Variants in CCDC171 observed in about 807,000 individuals in gnomAD.
The protein encoded by CCDC171 is coiled-coil domain-containing protein 171.
Under a neutral mutation model 168.2 loss-of-function variants are expected in CCDC171, and 177 were observed. The observed-to-expected ratio is 1.05, with a 90% confidence interval of 0.93 to 1.19. The LOEUF (loss-of-function observed/expected upper bound fraction) is 1.19. Among genes scored for constraint, CCDC171 ranks in the 50% most tolerant of loss-of-function variants. The pLI, the probability that CCDC171 is intolerant of heterozygous loss-of-function variation, is 0.00. For missense variants in CCDC171, 1,991 were observed against 1,539.0 expected, an observed-to-expected ratio of 1.29 and a Z score of -4.91; for synonymous variants, 687 against 540.8, an observed-to-expected ratio of 1.27 and a Z score of -3.75.
intron 6 of CCDC171, among the ~76,000 whole-genome samples, chr9:15,617,668 G>A (rs760147646): frequency 3.9e-5 from 6 of 152,118 alleles, no homozygotes; most frequent in South Asian, 2.1e-4. Context: ...GAGCCACCAC[G>A]CCCGGCCTGT....
At chr9:15,797,517 A>C (rs2058618516) in intron 21 of CCDC171, among the ~76,000 whole-genome samples, 1 of 152,178 alleles carries the variant, frequency 6.6e-6, no homozygotes, top group Non-Finnish European at 1.5e-5. Flanking sequence ...TGTTTGGCCA[A>C]CATTTAATAT....
At chr9:15,553,828 A>G (rs1302346123) in intron 1 of CCDC171, among the ~76,000 whole-genome samples, 2 of 151,206 alleles carry the variant, frequency 1.3e-5, no homozygotes, top group South Asian at 2.1e-4. Flanking sequence ...AATGGAGCCG[A>G]CTTTTTGAAT....
chr9:15,949,353 G>T (rs1367131289), intron 25 of CCDC171, among the ~76,000 whole-genome samples: 1 of 152,152 alleles, frequency 6.6e-6, no homozygotes, highest in East Asian at 1.9e-4. Flanking sequence ...TTCCAATTCT[G>T]TGAAGAAAGT....
chr9:15,630,724 T>A (rs559512124), intron 7 of CCDC171, among the ~76,000 whole-genome samples: 9 of 152,134 alleles, frequency 5.9e-5, no homozygotes, highest in South Asian at 2.1e-4. Flanking sequence ...AGAATATACA[T>A]TTTTTTCAGC....
chr9:16,015,514 C>T (rs1832988659), intron 3 of CCDC171, among the ~76,000 whole-genome samples: 1 of 152,170 alleles, frequency 6.6e-6, no homozygotes, highest in Non-Finnish European at 1.5e-5. Context: ...GTGGTCTCCT[C>T]TGTATTTTCT....
intron 21 of CCDC171, among the ~76,000 whole-genome samples, chr9:15,808,069 G>A (rs1038489846): frequency 6.6e-6 from 1 of 152,040 alleles, no homozygotes; most frequent in African/African-American, 2.4e-5. Flanking sequence ...ATGTCCAGAA[G>A]TGAAAGTATC....
At chr9:15,593,923 A>G in intron 5 of CCDC171, 118 bp from the exon 6 acceptor site, 1 of 645,654 alleles carries the variant, frequency 1.5e-6, no homozygotes, top group Admixed American at 3.3e-5. Flanking sequence ...TTTAACATGA[A>G]TTATGATGAG....
intron 11 of CCDC171, among the ~76,000 whole-genome samples, chr9:15,715,484 T>G (rs2053012765): frequency 2.0e-5 from 3 of 152,204 alleles, no homozygotes; most frequent in African/African-American, 7.2e-5. Context: ...TATTAAATGT[T>G]TGGATTTTAT....
chr9:15,610,915 CATGAGAAGTGAT>C (rs1355688012), intron 6 of CCDC171, among the ~76,000 whole-genome samples: 3 of 152,038 alleles, frequency 2.0e-5, no homozygotes, highest in African/African-American at 7.3e-5. Flanking sequence ...CTGAGTTTCA[CATGAGAAGTGAT>C]ATATTTTGGA....
intron 2 of CCDC171, among the ~76,000 whole-genome samples, chr9:15,570,954 T>C (rs183875262): frequency 2.0e-5 from 3 of 152,298 alleles, no homozygotes; most frequent in African/African-American, 7.2e-5. Flanking sequence ...TTGTGTGGTA[T>C]AGGGGATGGG....
At chr9:15,791,455 G>A (rs933813696) in intron 21 of CCDC171, among the ~76,000 whole-genome samples, 2 of 152,156 alleles carry the variant, frequency 1.3e-5, no homozygotes, top group Non-Finnish European at 2.9e-5. Context: ...TGTATCCTGA[G>A]ACTTTGCTGA....
chr9:15,845,542 T>C (rs923186778), intron 21 of CCDC171: 1 of 152,080 alleles, frequency 6.6e-6, no homozygotes, highest in African/African-American at 2.4e-5. Context: ...TTTATACTAT[T>C]CTTTTTTTTA....
intron 24 of CCDC171, among the ~76,000 whole-genome samples, chr9:15,905,900 C>T (rs9695592): frequency 0.55 from 83,886 of 152,016 alleles, 23,335 homozygotes; most frequent in East Asian, 0.81. Context: ...AACACCTCTA[C>T]GCAAATAAAC....
At chr9:15,680,735 C>G (rs970731147) in intron 10 of CCDC171, among the ~76,000 whole-genome samples, 1 of 152,132 alleles carries the variant, frequency 6.6e-6, no homozygotes, top group Non-Finnish European at 1.5e-5. Flanking sequence ...ATTTCATGGG[C>G]TGTTTTAACT....
intron 24 of CCDC171, among the ~76,000 whole-genome samples, chr9:15,903,372 A>G (rs537095326): frequency 3.9e-5 from 6 of 152,246 alleles, no homozygotes; most frequent in Middle Eastern, 3.4e-3. Context: ...TTTGCTGTTC[A>G]CCAATATCCG....
intron 1 of CCDC171, among the ~76,000 whole-genome samples, chr9:15,557,246 A>G (rs1482350880): frequency 1.3e-5 from 2 of 152,070 alleles, no homozygotes; most frequent in Non-Finnish European, 2.9e-5. Context: ...TTCCATATGA[A>G]TTTTAAAGTA....
intron 3 of CCDC171, among the ~76,000 whole-genome samples, chr9:15,996,790 A>G (rs917246514): frequency 9.2e-5 from 14 of 152,164 alleles, no homozygotes; most frequent in Admixed American, 6.5e-5. Flanking sequence ...TGGATTCTAC[A>G]GTGTATTATT....
chr9:15,664,580 A>ACACACACACACACACACACG, intron 8 of CCDC171, among the ~76,000 whole-genome samples: 1 of 151,690 alleles, frequency 6.6e-6, no homozygotes, highest in African/African-American at 2.4e-5. Flanking sequence ...ACACACACAC[A>ACACACACACACACACACACG]CACACACACT....
intron 21 of CCDC171, among the ~76,000 whole-genome samples, chr9:15,844,665 G>A (rs1345570587): frequency 3.9e-5 from 6 of 151,962 alleles, no homozygotes; most frequent in African/African-American, 1.4e-4. Context: ...CTATGCCCCT[G>A]AAATAGTATA....
Sources: gnomAD v4.1 joint callset for allele counts (sites outside exome capture counted in the v4.1 genomes callset) on GRCh38, gnomAD v4.1.1 for gene constraint, MANE v1.5 for transcripts, NCBI Gene and HGNC (gene_info 2026-07-23, HGNC 2026-07-21) for gene names.